The following KCNK2 variants were observed in gnomAD, a reference collection of about 807,000 sequenced individuals.
KCNK2 encodes the protein potassium two pore domain channel subfamily K member 2, also known as potassium channel subfamily K member 2.
KCNK2 carries 21 observed loss-of-function variants against 40.5 expected under a neutral mutation model. The observed-to-expected ratio is 0.52, with a 90% CI of 0.37 to 0.75. The LOEUF (loss-of-function observed/expected upper bound fraction) is 0.75, where lower values mean the gene tolerates loss of function less well. Among genes scored for constraint, KCNK2 ranks in the 30% least tolerant of loss-of-function variants. KCNK2 has a pLI of 0.00. For missense variants in KCNK2, 399 were observed against 531.6 expected, an observed-to-expected ratio of 0.75 and a Z score of 2.45; for synonymous variants, 191 against 202.2, an observed-to-expected ratio of 0.94 and a Z score of 0.47.
At chr1:215,097,327 T>C (rs1004810234) in intron 2 of KCNK2, among the ~76,000 whole-genome samples, 3 of 151,882 alleles carry the variant, frequency 2.0e-5, no homozygotes, top group African/African-American at 7.2e-5. Flanking sequence ...CTTACAGACG[T>C]GTGCTTCTTT....
At chr1:215,212,683 G>T (rs1168367262) in intron 6 of KCNK2, among the ~76,000 whole-genome samples, 1 of 152,144 alleles carries the variant, frequency 6.6e-6, no homozygotes, top group Admixed American at 6.5e-5. Flanking sequence ...ATAATCAACT[G>T]CTTCTATTTT....
At chr1:215,101,284 C>T (rs74765447) in intron 2 of KCNK2, among the ~76,000 whole-genome samples, 14 of 152,032 alleles carry the variant, frequency 9.2e-5, no homozygotes, top group Middle Eastern at 3.4e-3. Context: ...GACTAAACAA[C>T]GCCTAATGAG....
chr1:215,029,286 C>G (rs937814293), intron 1 of KCNK2, among the ~76,000 whole-genome samples: 3 of 151,898 alleles, frequency 2.0e-5, no homozygotes, highest in African/African-American at 4.8e-5. Flanking sequence ...ATTCATCCCT[C>G]CCTCCCCGAC....
chr1:215,140,058 A>C (rs1662107852), intron 3 of KCNK2, among the ~76,000 whole-genome samples: 1 of 152,086 alleles, frequency 6.6e-6, no homozygotes. Context: ...GGATGTTATA[A>C]ATTTGAGTTT....
intron 1 of KCNK2, among the ~76,000 whole-genome samples, chr1:215,016,081 C>A (rs1045834381): frequency 6.6e-6 from 1 of 152,196 alleles, no homozygotes; most frequent in Non-Finnish European, 1.5e-5. Flanking sequence ...ATGCAACAAG[C>A]CACATGACTG....
chr1:215,059,626 G>T (rs924006586), intron 1 of KCNK2, among the ~76,000 whole-genome samples: 2 of 152,178 alleles, frequency 1.3e-5, no homozygotes, highest in Non-Finnish European at 1.5e-5. Flanking sequence ...AAAGAGAAAT[G>T]ATTTTCTAAA....
At chr1:215,093,884 A>ATT in intron 2 of KCNK2, among the ~76,000 whole-genome samples, 1 of 96,938 alleles carries the variant, frequency 1.0e-5, no homozygotes, top group South Asian at 2.7e-4. Context: ...TATATTATAT[A>ATT]TTATATATAA....
chr1:215,171,548 C>T (rs1663710922), intron 4 of KCNK2, among the ~76,000 whole-genome samples: 1 of 152,050 alleles, frequency 6.6e-6, no homozygotes, highest in African/African-American at 2.4e-5. Flanking sequence ...ATTCTTGTTT[C>T]AGTGTCTCCA....
intron 6 of KCNK2, among the ~76,000 whole-genome samples, chr1:215,208,645 C>T (rs914763115): frequency 5.9e-5 from 9 of 152,048 alleles, no homozygotes; most frequent in Admixed American, 2.0e-4. Flanking sequence ...AAAAATGCTA[C>T]GTATGAAATA....
At chr1:215,176,801 G>T (rs531311119) in intron 5 of KCNK2, among the ~76,000 whole-genome samples, 1 of 152,138 alleles carries the variant, frequency 6.6e-6, no homozygotes. Context: ...ATGAACATAT[G>T]TGTGCATGTA....
intron 1 of KCNK2, among the ~76,000 whole-genome samples, chr1:215,012,169 G>A (rs1164557700): frequency 2.0e-5 from 3 of 152,068 alleles, no homozygotes; most frequent in East Asian, 1.9e-4. Context: ...AAATACCTAG[G>A]AGTGGGATTG....
At chr1:215,188,667 T>A (rs1007090192) in intron 5 of KCNK2, among the ~76,000 whole-genome samples, 1 of 152,148 alleles carries the variant, frequency 6.6e-6, no homozygotes, top group Middle Eastern at 3.2e-3. Flanking sequence ...CTAAGAGTTT[T>A]GCAACCATGT....
chr1:215,028,571 A>G (rs1002567375), intron 1 of KCNK2, among the ~76,000 whole-genome samples: 3 of 152,134 alleles, frequency 2.0e-5, no homozygotes, highest in Non-Finnish European at 4.4e-5. Flanking sequence ...TATGAAGCCT[A>G]CTAACCTAAA....
intron 1 of KCNK2, among the ~76,000 whole-genome samples, chr1:215,008,070 G>T (rs1051357539): frequency 6.6e-6 from 1 of 151,258 alleles, no homozygotes; most frequent in African/African-American, 2.4e-5. Context: ...GCAAAATTCT[G>T]GGACCTTGAC....
chr1:215,178,006 T>A (rs1664059487), intron 5 of KCNK2, among the ~76,000 whole-genome samples: 6 of 151,996 alleles, frequency 3.9e-5, no homozygotes, highest in Admixed American at 3.3e-4. Flanking sequence ...TTTCAATCCA[T>A]GAATATGGAA....
intron 3 of KCNK2, among the ~76,000 whole-genome samples, chr1:215,161,277 C>A (rs1198284867): frequency 6.6e-6 from 1 of 152,106 alleles, no homozygotes; most frequent in African/African-American, 2.4e-5. Context: ...GAAATTCTTT[C>A]AGTTTCTCAG....
intron 1 of KCNK2, among the ~76,000 whole-genome samples, chr1:215,029,053 C>T (rs1657093859): frequency 6.6e-6 from 1 of 151,820 alleles, no homozygotes; most frequent in African/African-American, 2.4e-5. Context: ...ACCCCTGCCT[C>T]CATACATGAA....
intron 1 of KCNK2, among the ~76,000 whole-genome samples, chr1:215,042,735 A>G (rs774090231): frequency 2.6e-5 from 4 of 152,006 alleles, no homozygotes; most frequent in Non-Finnish European, 5.9e-5. Flanking sequence ...CATTTTATAA[A>G]CCTCTTGGGT....
intron 2 of KCNK2, among the ~76,000 whole-genome samples, chr1:215,109,010 CAT>C (rs997977754): frequency 1.3e-5 from 2 of 151,480 alleles, no homozygotes; most frequent in Non-Finnish European, 2.9e-5. Context: ...TATATATATG[CAT>C]ATATATATCA....
Sources: gnomAD v4.1 joint callset for allele counts (sites outside exome capture counted in the v4.1 genomes callset) on GRCh38, gnomAD v4.1.1 for gene constraint, MANE v1.5 for transcripts, NCBI Gene and HGNC (gene_info 2026-07-23, HGNC 2026-07-21) for gene names.